CLCA2: variants seen among roughly 807,000 people sequenced by gnomAD.
CLCA2 encodes the protein calcium-activated chloride channel regulator 2.
Under a neutral mutation model 82.9 loss-of-function variants are expected in CLCA2, and 85 were observed. The observed-to-expected ratio is 1.03, with a 90% CI of 0.86 to 1.23. The LOEUF (loss-of-function observed/expected upper bound fraction) is 1.23, where lower values mean the gene tolerates loss of function less well. CLCA2 is among the 50% of genes most tolerant of loss of function. CLCA2 has a pLI of 0.00. For synonymous variants in CLCA2, 421 were observed against 391.7 expected, an observed-to-expected ratio of 1.07 and a Z score of -0.88; for missense variants, 1,089 against 1,124.8, an observed-to-expected ratio of 0.97 and a Z score of 0.45.
chr1:86,451,183 C>A (rs1355465659), intron 12 of CLCA2, among the ~76,000 whole-genome samples: 2 of 152,082 alleles, frequency 1.3e-5, no homozygotes, highest in East Asian at 1.9e-4. Context: ...GTGTTACAGG[C>A]AACTAAGTGA....
chr1:86,454,647 C>T, intron 13 of CLCA2, among the ~76,000 whole-genome samples: 1 of 152,002 alleles, frequency 6.6e-6, no homozygotes, highest in East Asian at 1.9e-4. Flanking sequence ...CAAAAATAAG[C>T]CGGGCATGGT....
intron 5 of CLCA2, among the ~76,000 whole-genome samples, chr1:86,433,476 C>T (rs1411305660): frequency 1.3e-5 from 2 of 152,130 alleles, no homozygotes; most frequent in African/African-American, 4.8e-5. Flanking sequence ...TATTTCTTGT[C>T]CCATACATTA....
In CLCA2 at chr1:86,443,843, T is replaced by C. The variant is rs1338698301; in HGVS notation, c.1545T>C (p.Thr515=). The change falls in exon 10 of 14, where the codon ACT becomes ACC. Residue 515 remains threonine, a synonymous_variant. Coordinates refer to ENST00000370565, the MANE Select transcript of CLCA2 (RefSeq NM_006536.7). ...ACCATCAATTGAAAAACACAGTGAC[T>C]GTGGATAATACTGTGGGCAACGACA... ...KPHHQLKNTV[T]VDNTVGNDTM... is the part of the protein sequence containing the mutation. 4.3e-6 allele frequency: 7 copies of C among 1,614,024 alleles called. No homozygotes were observed. Among genetic ancestry groups the C allele is most frequent in the Non-Finnish European group, 5.9e-6 (7 of 1,179,930 alleles).
At chr1:86,439,253 T>C (rs1437404781) in intron 7 of CLCA2, 147 bp downstream of exon 7, 3 of 705,552 alleles carry the variant, frequency 4.3e-6, no homozygotes, top group Non-Finnish European at 7.2e-6. Context: ...ATCTTTCAAG[T>C]CAGGAACCAT....
intron 11 of CLCA2, among the ~76,000 whole-genome samples, chr1:86,449,373 C>T (rs1283932225): frequency 6.6e-6 from 1 of 152,144 alleles, no homozygotes; most frequent in East Asian, 1.9e-4. Context: ...CTCTGTCTCC[C>T]AAGCCAATGT....
At chr1:86,428,703 A>G in intron 3 of CLCA2, 135 bp downstream of exon 3, 2 of 926,418 alleles carry the variant, frequency 2.2e-6, no homozygotes, top group Non-Finnish European at 3.2e-6. Context: ...GATAGGTCAT[A>G]TGCCCATGCA....
rs563619298 is a variant in CLCA2, at chr1:86,454,173, G to A, written c.2389+571G>A. On this transcript the variant is annotated intron_variant, in intron 13 of 13. Coordinates refer to ENST00000370565, the MANE Select transcript of CLCA2 (RefSeq NM_006536.7). ...TAACTTTGAGGTTTCTGCCTCCATC[G>A]TCTTTTTCCAAATTTTTTACCCAAT... Among the ~76,000 whole-genome samples, 29 of 152,068 alleles carry A rather than the reference G, an allele frequency of 1.9e-4. 1 individual carries two copies. In the South Asian group the frequency reaches 5.2e-3, roughly 27 times the overall value.
chr1:86,440,312 A>G lies in CLCA2; in HGVS notation c.1368A>G (p.Leu456=), dbSNP rs1558111112. ...CTGCAGCCCCAAATCTGGAGGAATT[A>G]TCACGTCTTACAGGTAATAAACTTT... ...GSSAAPNLEE[L]SRLTGGLKFF... Residue 456 remains leucine, a synonymous_variant, in exon 8 of 14, where the codon TTA becomes TTG. Coordinates refer to ENST00000370565, the MANE Select transcript of CLCA2 (RefSeq NM_006536.7). 1 of 1,613,994 alleles carries G rather than the reference A, an allele frequency of 6.2e-7. No individual in the cohort carries two copies. The highest frequency in any genetic ancestry group is 1.7e-5 in the Admixed American group (1 of 59,996).
In CLCA2 at chr1:86,428,475, C is replaced by T; in HGVS notation, c.382C>T (p.Gln128Ter). ...GAHGDDPYTL[Q>*]YRGCGKEGKY... ...ACATGGAGATGATCCATACACCCTA[C>T]AATACAGAGGGTGTGGAAAAGAGGG... Residue 128 changes from glutamine to a stop codon, truncating the protein, a stop_gained, in exon 3 of 14, where the codon CAA becomes TAA. Coordinates refer to ENST00000370565, the MANE Select transcript of CLCA2 (RefSeq NM_006536.7). LOFTEE classifies it high-confidence loss of function. The T allele has an allele frequency of 6.2e-7, 1 of 1,613,198 alleles. No homozygotes were observed. The highest frequency in any genetic ancestry group is 1.3e-5 in the African/African-American group (1 of 74,992).
intron 4 of CLCA2, among the ~76,000 whole-genome samples, chr1:86,431,825 A>G (rs1467743403): frequency 6.6e-6 from 1 of 152,214 alleles, no homozygotes; most frequent in Admixed American, 6.5e-5. Context: ...CCTTGTTAAT[A>G]CAGAACCCCT....
intron 5 of CLCA2, 113 bp downstream of exon 5, chr1:86,432,641 C>T: frequency 8.1e-7 from 1 of 1,234,140 alleles, no homozygotes; most frequent in Non-Finnish European, 1.1e-6. Context: ...CTTGGGGGAC[C>T]CTAGAGTTCA....
chr1:86,435,247 A>C (rs1383024721), intron 6 of CLCA2, among the ~76,000 whole-genome samples: 2 of 152,206 alleles, frequency 1.3e-5, no homozygotes, highest in Non-Finnish European at 2.9e-5. Flanking sequence ...AGATAAATGA[A>C]ATCCACAGAT....
chr1:86,434,455 A>G, intron 5 of CLCA2, 63 bp from the exon 6 acceptor site: 1 of 1,363,130 alleles, frequency 7.3e-7, no homozygotes, highest in Non-Finnish European at 1.0e-6. Context: ...TTCCTTGAGA[A>G]TGAGAACTAT....
chr1:86,438,987 G>A lies in CLCA2; in HGVS notation c.1084G>A (p.Ala362Thr), dbSNP rs533910688. ...ASFDSKGEIR[A>T]QLHQINSNDD... ...TTTCGACAGCAAAGGAGAGATCAGA[G>A]CCCAGCTACACCAAATTAACAGCAA... The change falls in exon 7 of 14, where the codon GCC (alanine) becomes ACC (threonine). Residue 362 changes from alanine to threonine, a missense_variant. By Grantham distance (58) the Ala-to-Thr change is moderately conservative (BLOSUM62 0). Coordinates refer to ENST00000370565, the MANE Select transcript of CLCA2 (RefSeq NM_006536.7). 3.8e-5 allele frequency: 61 copies of A among 1,614,116 alleles called. No homozygotes were observed. The Middle Eastern group carries it at 8.2e-4, about 22-fold the overall frequency.
intron 11 of CLCA2, among the ~76,000 whole-genome samples, chr1:86,449,487 T>TCTTTG (rs1286582800): frequency 6.6e-6 from 1 of 152,258 alleles, no homozygotes; most frequent in African/African-American, 2.4e-5. Flanking sequence ...ATAAACCTTA[T>TCTTTG]TAATCATTAA....
chr1:86,455,412 T>C lies in CLCA2; in HGVS notation c.2717T>C (p.Val906Ala), dbSNP rs1433385294. ...AGAGATTATCTTATATTGAAAGGAG[T>C]TTTAACAGCAATGGGTTTGATAGGA... The part of the protein sequence containing the change: ...PARDYLILKG[V>A]LTAMGLIGII... The change falls in exon 14 of 14, where the codon GTT becomes GCT. Residue 906 changes from valine (V) to alanine (A), a missense_variant. Physicochemically the swap from Val to Ala is moderately conservative, Grantham distance 64. Transcript: ENST00000370565. 1 of 1,606,832 alleles carries C rather than the reference T, an allele frequency of 6.2e-7. No homozygotes were observed. Among genetic ancestry groups the C allele is most frequent in the Non-Finnish European group, 8.5e-7 (1 of 1,177,576 alleles).
intron 8 of CLCA2, among the ~76,000 whole-genome samples, chr1:86,440,626 C>A (rs1011716498): frequency 6.6e-6 from 1 of 152,060 alleles, no homozygotes; most frequent in Non-Finnish European, 1.5e-5. Flanking sequence ...TGTGGGCGGG[C>A]GCGGTGGCTC....
intron 10 of CLCA2, among the ~76,000 whole-genome samples, chr1:86,446,697 C>A (rs1188497790): frequency 6.6e-6 from 1 of 152,180 alleles, no homozygotes; most frequent in Non-Finnish European, 1.5e-5. Context: ...CTTTTCTGTT[C>A]TTCCTTCTGC....
intron 3 of CLCA2, among the ~76,000 whole-genome samples, chr1:86,429,364 C>A (rs1246197654): frequency 6.6e-6 from 1 of 152,174 alleles, no homozygotes; most frequent in Non-Finnish European, 1.5e-5. Flanking sequence ...AAAAAGAGGT[C>A]TGAACTGCTG....
Sources: allele counts gnomAD v4.1 joint callset (sites outside exome capture counted in the v4.1 genomes callset), GRCh38; gene constraint gnomAD v4.1.1; transcripts MANE v1.5; gene names NCBI Gene and HGNC (gene_info 2026-07-23, HGNC 2026-07-21).